FER1L5: variants seen among roughly 807,000 people sequenced by gnomAD.
FER1L5 encodes the protein fer-1 like family member 5.
In FER1L5, 187 loss-of-function variants were observed where a neutral mutation model predicts 279.9. That is an observed-to-expected ratio of 0.67 (90% CI 0.59 to 0.75). The LOEUF is 0.75. FER1L5 is among the 30% of genes least tolerant of loss of function. FER1L5 has a pLI of 0.00. For synonymous variants in FER1L5, 921 were observed against 989.7 expected, an observed-to-expected ratio of 0.93 and a Z score of 1.30; for missense variants, 2,091 against 2,594.4, an observed-to-expected ratio of 0.81 and a Z score of 4.21.
intron 18 of FER1L5, among the ~76,000 whole-genome samples, chr2:96,672,497 C>G (rs1009423891): frequency 6.6e-6 from 1 of 151,598 alleles, no homozygotes; most frequent in Admixed American, 6.6e-5. Flanking sequence ...GTGAACAGAC[C>G]GGGGGAATGC....
At position 96,694,088 on chromosome 2, in the gene FER1L5, G is replaced by T; in HGVS notation, c.3636+16G>T. The T allele has an allele frequency of 6.5e-7, 1 of 1,534,978 alleles. No individual in the cohort carries two copies. Among genetic ancestry groups the T allele is most frequent in the Non-Finnish European group, 8.7e-7 (1 of 1,145,062 alleles). ...CCAGACTGAGGTATTGGGAGAGAGG[G>T]CCTGGCTGGGAAGTGTGGCACTCAG... On this transcript the variant is annotated intron_variant, in intron 33 of 52. Transcript: ENST00000624922. The surrounding 1 kb of genome is among the most constrained non-coding windows in gnomAD (Gnocchi z 4.6).
In FER1L5 at chr2:96,703,574, A is replaced by C; in HGVS notation, c.5743A>C (p.Lys1915Gln). ...TCTGTCAGAGAAGGAAGCCTTAATC[A>C]AGCCAGCCGGGCGAGGCCAGTCGGA... ...EILSEKEALI[K>Q]PAGRGQSEPN... The change falls in exon 51 of 53, where the codon AAG (lysine) becomes CAG (glutamine). Residue 1915 changes from lysine to glutamine, a missense_variant. Transcript: ENST00000624922. 6.2e-7 allele frequency: 1 copy of C among 1,613,996 alleles called. No individual in the cohort carries two copies. The highest frequency in any genetic ancestry group is 8.5e-7 in the Non-Finnish European group (1 of 1,179,886).
Position 96,685,924 on chromosome 2 carries a change from C to T in FER1L5, c.1896-16C>T. 2 of 1,518,026 alleles carry T rather than the reference C, an allele frequency of 1.3e-6. No homozygotes were observed. Among genetic ancestry groups the T allele is most frequent in the Non-Finnish European group, 1.8e-6 (2 of 1,131,372 alleles). 94.0% of individuals were successfully genotyped at this position (1,518,026 alleles called of 1,614,324 possible). ...AGTAGAGAGGTCCAGCCCCTGCTAC[C>T]CTGTCCTGGCCACAGGCGCCCTCTG... On this transcript the variant is annotated splice_polypyrimidine_tract_variant and intron_variant, in intron 21 of 52. Coordinates refer to ENST00000624922, the MANE Select transcript of FER1L5 (RefSeq NM_001293083.2).
intron 20 of FER1L5, among the ~76,000 whole-genome samples, chr2:96,684,999 G>A (rs1022428603): frequency 6.6e-6 from 1 of 152,108 alleles, no homozygotes; most frequent in Non-Finnish European, 1.5e-5. Flanking sequence ...TCAAGTGCCT[G>A]TTGGGAGTGT....
chr2:96,652,622 C>T (rs1413606946), intron 7 of FER1L5: 1 of 157,940 alleles, frequency 6.3e-6, no homozygotes, highest in African/African-American at 2.4e-5. Flanking sequence ...AAGCCGCAGA[C>T]TTGACAGCAG....
intron 9 of FER1L5, among the ~76,000 whole-genome samples, chr2:96,657,830 C>A (rs1458679721): frequency 6.6e-6 from 1 of 152,086 alleles, no homozygotes; most frequent in African/African-American, 2.4e-5. Context: ...TATGGATGTA[C>A]TATAGTTTAA....
chr2:96,702,808 C>T lies in FER1L5; in HGVS notation c.5397+67C>T. On this transcript the variant is annotated intron_variant, in intron 48 of 52. Coordinates refer to ENST00000624922, the MANE Select transcript of FER1L5 (RefSeq NM_001293083.2). This position sits in a 1 kb window ranked among gnomAD's most constrained non-coding sequence, Gnocchi z 4.0. Reference sequence around the variant, plus strand: ...CAGACCCAGGCTCCTGGAGCTCCTCCCCCCACCCCTCCAGAGGCTTGCAAT... The same window carrying T: ...CAGACCCAGGCTCCTGGAGCTCCTCTCCCCACCCCTCCAGAGGCTTGCAAT... The T allele has an allele frequency of 6.3e-7, 1 of 1,587,396 alleles. No homozygotes were observed. Among genetic ancestry groups the T allele is most frequent in the Non-Finnish European group, 8.6e-7 (1 of 1,167,526 alleles).
At position 96,699,989 on chromosome 2, in the gene FER1L5, T is replaced by C. The variant is rs547395051; in HGVS notation, c.4839T>C (p.Tyr1613=). Residue 1613 remains tyrosine, a synonymous_variant, in exon 44 of 53, where the codon TAT becomes TAC. Transcript: ENST00000624922. The stretch of plus-strand genomic sequence containing the variant: ...CCCCAAGCTACCTCCTAGAACGCTA[T>C]GCCAAGCGGAAAGGGCTACCTCCGC... ...QMPPSYLLER[Y]AKRKGLPPPL... The C allele has an allele frequency of 9.9e-6, 16 of 1,613,980 alleles. No individual in the cohort carries two copies. In the East Asian group the frequency reaches 2.5e-4, roughly 25 times the overall value.
chr2:96,703,163 G>A lies in FER1L5; in HGVS notation c.5508G>A (p.Glu1836=), dbSNP rs753077706. The stretch of plus-strand genomic sequence containing the variant: ...TTTTTCTGGGCTCAGGGGTCCTGGA[G>A]CTGGATTTGTCTGACATGCCCCTCC... ...FSPDDFLGVL[E]LDLSDMPLPA... The change falls in exon 50 of 53, where the codon GAG becomes GAA. Residue 1836 remains glutamate (E), a synonymous_variant. Transcript: ENST00000624922. 14 of 1,612,894 alleles carry A rather than the reference G, an allele frequency of 8.7e-6. No individual in the cohort carries two copies. The Admixed American group carries it at 1.8e-4, about 21-fold the overall frequency.
At position 96,702,950 on chromosome 2, in the gene FER1L5, G is replaced by GT. The variant is rs769700599; in HGVS notation, c.5398-27dup. On this transcript the variant is annotated intron_variant, in intron 48 of 52. Coordinates refer to ENST00000624922, the MANE Select transcript of FER1L5 (RefSeq NM_001293083.2). This position sits in a 1 kb window ranked among gnomAD's most constrained non-coding sequence, Gnocchi z 4.0. ...AGGGAAACGTCCAGGAGACAGGCCG[G>GT]TAACACGCCCTTCCGCCATTTCCCC... 2 of 1,595,936 alleles carry GT rather than the reference G, an allele frequency of 1.3e-6. No individual in the cohort carries two copies. The highest frequency in any genetic ancestry group is 1.7e-6 in the Non-Finnish European group (2 of 1,170,762).
In FER1L5 at chr2:96,663,397, G is replaced by A. The variant is rs568345847; in HGVS notation, c.1072-42G>A. ...TGGAAGGTGAGGTCAGTGGAGGGAG[G>A]AGGGGGCAGGCTGGCACCAACACTG... On this transcript the variant is annotated intron_variant, in intron 13 of 52. Coordinates refer to ENST00000624922, the MANE Select transcript of FER1L5 (RefSeq NM_001293083.2). 43 of 1,540,220 alleles carry A rather than the reference G, an allele frequency of 2.8e-5. No homozygotes were observed. The African/African-American group carries it at 4.9e-4, about 18-fold the overall frequency.
At chr2:96,670,365 T>A in intron 18 of FER1L5, 118 bp downstream of exon 18, 3 of 1,305,348 alleles carry the variant, frequency 2.3e-6, no homozygotes, top group South Asian at 3.0e-5. Context: ...GTTGAGTGTG[T>A]AAGGATGCCT....
intron 9 of FER1L5, among the ~76,000 whole-genome samples, chr2:96,656,389 C>G (rs535856500): frequency 6.6e-6 from 1 of 152,330 alleles, no homozygotes; most frequent in East Asian, 1.9e-4. Flanking sequence ...GTAATCCCAG[C>G]ACTTTGGGAG....
intron 19 of FER1L5, among the ~76,000 whole-genome samples, chr2:96,673,671 C>CA (rs1420620570): frequency 6.6e-6 from 1 of 152,154 alleles, no homozygotes; most frequent in African/African-American, 2.4e-5. Context: ...TTCATTCACT[C>CA]ATCCAATATA....
chr2:96,703,864 G>A (rs1309208754), intron 51 of FER1L5, among the ~76,000 whole-genome samples: 2 of 143,078 alleles, frequency 1.4e-5, no homozygotes, highest in African/African-American at 5.1e-5. Context: ...CACCCAGGCT[G>A]GAGTGTGGTG....
At chr2:96,662,120 T>C in intron 12 of FER1L5, 95 bp from the exon 13 acceptor site, 1 of 1,292,818 alleles carries the variant, frequency 7.7e-7, no homozygotes, top group Non-Finnish European at 1.1e-6. Flanking sequence ...CCCTCTAAAT[T>C]ATAGGGGAGG....
chr2:96,652,138 TTACTGA>T, intron 7 of FER1L5, 118 bp downstream of exon 7: 1 of 1,381,612 alleles, frequency 7.2e-7, no homozygotes. Context: ...CCACAAGCAT[TTACTGA>T]GTGTCTACTG....
chr2:96,670,239 A>G lies in FER1L5; in HGVS notation c.1483A>G (p.Arg495Gly). 1 of 1,551,432 alleles carries G rather than the reference A, an allele frequency of 6.4e-7. No homozygotes were observed. The change falls in exon 18 of 53, where the codon AGG becomes GGG. Residue 495 changes from arginine to glycine, a missense_variant. Coordinates refer to ENST00000624922, the MANE Select transcript of FER1L5 (RefSeq NM_001293083.2). ...TIKDLSHEVT[R>G]IEKHQNRQKY... ...AAAGGATCTCTCCCATGAAGTGACC[A>G]GGATAGAGGTAACTGCGGGAAACAG...
chr2:96,651,131 C>T (rs1329990530), intron 6 of FER1L5, among the ~76,000 whole-genome samples: 1 of 152,200 alleles, frequency 6.6e-6, no homozygotes, highest in African/African-American at 2.4e-5. Flanking sequence ...CTTCCCGGGC[C>T]CTTGATAACT....
Sources: allele counts gnomAD v4.1 joint callset (sites outside exome capture counted in the v4.1 genomes callset), GRCh38; gene constraint gnomAD v4.1.1; non-coding constraint Gnocchi (gnomAD v3.1); transcripts MANE v1.5; gene names NCBI Gene and HGNC (gene_info 2026-07-23, HGNC 2026-07-21).